MARK3: variants seen among roughly 807,000 people sequenced by gnomAD.
MARK3 encodes MAP/microtubule affinity-regulating kinase 3.
MARK3 carries 46 observed loss-of-function variants against 90.1 expected under a neutral mutation model. The observed-to-expected ratio is 0.51, with a 90% CI of 0.40 to 0.65. The LOEUF is 0.65. Among genes scored for constraint, MARK3 ranks in the 30% least tolerant of loss-of-function variants. The probability of loss-of-function intolerance (pLI) is 0.00; values close to 1 mark genes in which losing one functional copy is unlikely to be tolerated. For missense variants in MARK3, 818 were observed against 947.2 expected, an observed-to-expected ratio of 0.86 and a Z score of 1.79; for synonymous variants, 321 against 332.6, an observed-to-expected ratio of 0.97 and a Z score of 0.38.
intron 13 of MARK3, among the ~76,000 whole-genome samples, chr14:103,476,700 CT>C (rs60170829): frequency 0.044 from 6,629 of 152,200 alleles, 504 homozygotes; most frequent in African/African-American, 0.15. Flanking sequence ...CAGAAAAACC[CT>C]GGACTGAGGA....
chr14:103,469,168 ATTT>A (rs1044566683), intron 12 of MARK3: 7 of 151,122 alleles, frequency 4.6e-5, no homozygotes, highest in African/African-American at 1.7e-4. Context: ...ATTTTTTATT[ATTT>A]TTATTTATTT....
intron 6 of MARK3, among the ~76,000 whole-genome samples, chr14:103,460,243 G>A (rs892400667): frequency 6.6e-6 from 1 of 151,560 alleles, no homozygotes; most frequent in Non-Finnish European, 1.5e-5. Context: ...CTGCCACTAC[G>A]CCCGGCTAAT....
chr14:103,453,159 T>C (rs2093195208), intron 5 of MARK3, among the ~76,000 whole-genome samples: 2 of 152,254 alleles, frequency 1.3e-5, no homozygotes. Flanking sequence ...TGCGTGTTTA[T>C]AGCTGCTGTC....
At chr14:103,460,625 A>G (rs1400841452) in intron 6 of MARK3, among the ~76,000 whole-genome samples, 2 of 152,190 alleles carry the variant, frequency 1.3e-5, no homozygotes, top group African/African-American at 4.8e-5. Flanking sequence ...CTAAAGAGAG[A>G]GAGAAATCCT....
intron 15 of MARK3, among the ~76,000 whole-genome samples, chr14:103,496,057 C>T (rs2075319615): frequency 6.6e-6 from 1 of 152,190 alleles, no homozygotes; most frequent in Non-Finnish European, 1.5e-5. Context: ...TCCTTAGGAT[C>T]AGGCCTGGCC....
chr14:103,462,623 TAAAG>T (rs2093424118), intron 7 of MARK3, among the ~76,000 whole-genome samples, 162 bp downstream of exon 7: 1 of 152,088 alleles, frequency 6.6e-6, no homozygotes, highest in African/African-American at 2.4e-5. Context: ...GCATTAAAAA[TAAAG>T]AAAAATAAAG....
chr14:103,483,777 T>G (rs2093870466), intron 14 of MARK3, among the ~76,000 whole-genome samples: 1 of 152,206 alleles, frequency 6.6e-6, no homozygotes, highest in African/African-American at 2.4e-5. Flanking sequence ...ATGGCCAGAT[T>G]CCAGGCGTGA....
chr14:103,472,047 A>G (rs535221298), intron 12 of MARK3, among the ~76,000 whole-genome samples: 2 of 151,338 alleles, frequency 1.3e-5, no homozygotes, highest in Non-Finnish European at 2.9e-5. Context: ...TGTCTCTACT[A>G]AAAAATAGAA....
intron 15 of MARK3, among the ~76,000 whole-genome samples, chr14:103,496,668 C>T (rs1030222017): frequency 5.3e-5 from 8 of 152,054 alleles, no homozygotes; most frequent in Non-Finnish European, 8.8e-5. Flanking sequence ...CCACCTCAGC[C>T]TCCCAAAGTG....
In MARK3 at chr14:103,475,048, T is replaced by C; in HGVS notation, c.1320T>C (p.Thr440=). Residue 440 remains threonine (T), a synonymous_variant, in exon 13 of 18, where the codon ACT becomes ACC. Transcript: ENST00000429436. ...ATCCGAAAAGGAGTCAGACCAGCACTGCAGATAGTGACCTCAAAGAAGATG... is the reference window on the plus strand; with the variant it reads ...ATCCGAAAAGGAGTCAGACCAGCACCGCAGATAGTGACCTCAAAGAAGATG... ...VAYPKRSQTS[T]ADSDLKEDGI... 6.2e-7 allele frequency: 1 copy of C among 1,614,214 alleles called. No homozygotes were observed. Among genetic ancestry groups the C allele is most frequent in the African/African-American group, 1.3e-5 (1 of 75,066 alleles).
intron 1 of MARK3, among the ~76,000 whole-genome samples, chr14:103,399,961 T>G (rs1289389695): frequency 6.6e-6 from 1 of 151,162 alleles, no homozygotes; most frequent in African/African-American, 2.4e-5. Context: ...GAGATGAAGT[T>G]TCTGTCACTC....
chr14:103,499,461 A>T (rs2075534341), intron 16 of MARK3: 1 of 152,242 alleles, frequency 6.6e-6, no homozygotes, highest in Admixed American at 6.5e-5. Flanking sequence ...GCCTCAAAAA[A>T]GAAAAACATA....
rs140435775 is a variant in MARK3, at chr14:103,502,280, C to G, written c.1917-602C>G. ...ATCTATTCCAGTAGTAAGATTGTGTCATTTGAGATTTTCTTTAACTGTATA... is the reference window on the plus strand; with the variant it reads ...ATCTATTCCAGTAGTAAGATTGTGTGATTTGAGATTTTCTTTAACTGTATA... On this transcript the variant is annotated intron_variant, in intron 17 of 17. Transcript: ENST00000429436. 2.7e-3 allele frequency among the ~76,000 whole-genome samples: 407 copies of G among 152,342 alleles called. 2 individuals are homozygous for G. The highest frequency in any genetic ancestry group is 9.4e-3 in the African/African-American group (390 of 41,574).
chr14:103,500,334 C>A, intron 17 of MARK3, 134 bp downstream of exon 17: 1 of 647,386 alleles, frequency 1.5e-6, no homozygotes. Flanking sequence ...AGGGTGGCCA[C>A]AAGGGGGCGC....
At chr14:103,389,321 G>A (rs1380905980) in intron 1 of MARK3, among the ~76,000 whole-genome samples, 1 of 150,102 alleles carries the variant, frequency 6.7e-6, no homozygotes, top group African/African-American at 2.5e-5. Context: ...CCGAGATTGG[G>A]CCACCACATT....
chr14:103,409,776 G>A (rs569734499), intron 2 of MARK3, among the ~76,000 whole-genome samples: 1 of 152,234 alleles, frequency 6.6e-6, no homozygotes, highest in East Asian at 1.9e-4. Flanking sequence ...TGACATATTA[G>A]TCTAAAGGCA....
chr14:103,449,971 A>C (rs1029920196), intron 4 of MARK3, among the ~76,000 whole-genome samples: 1 of 152,210 alleles, frequency 6.6e-6, no homozygotes, highest in South Asian at 2.1e-4. Flanking sequence ...GTAACACAGA[A>C]CCACCACAGG....
Position 103,385,998 on chromosome 14 carries a change from C to G in MARK3, c.-32C>G, listed in dbSNP as rs759043897. On this transcript the variant is annotated 5_prime_UTR_variant, in exon 1 of 18. Coordinates refer to ENST00000429436, the MANE Select transcript of MARK3 (RefSeq NM_001128918.3). ...TAGGGCTGTGCTGTTTTGTTTTGAC[C>G]CTCGCATTGTGCAGAATTAAAGTGC... 1.3e-6 allele frequency: 2 copies of G among 1,593,968 alleles called. No individual in the cohort carries two copies. Among genetic ancestry groups the G allele is most frequent in the Non-Finnish European group, 1.7e-6 (2 of 1,161,506 alleles).
intron 13 of MARK3, among the ~76,000 whole-genome samples, chr14:103,477,947 C>T (rs2093743467): frequency 6.7e-6 from 1 of 150,276 alleles, no homozygotes; most frequent in Non-Finnish European, 1.5e-5. Flanking sequence ...TGCAGTGAGT[C>T]ATGGTCACAT....
Sources: allele counts gnomAD v4.1 joint callset (sites outside exome capture counted in the v4.1 genomes callset), GRCh38; gene constraint gnomAD v4.1.1; transcripts MANE v1.5; gene names NCBI Gene and HGNC (gene_info 2026-07-23, HGNC 2026-07-21).